The following ADAMTS14 variants were observed in gnomAD, a reference collection of about 807,000 sequenced individuals.
The protein encoded by ADAMTS14 is A disintegrin and metalloproteinase with thrombospondin motifs 14.
A neutral mutation model predicts 128.6 loss-of-function variants in ADAMTS14; 100 were observed. The observed-to-expected ratio is 0.78, with a 90% confidence interval of 0.66 to 0.92. The LOEUF (loss-of-function observed/expected upper bound fraction) is 0.92, where lower values mean the gene tolerates loss of function less well. Among genes scored for constraint, ADAMTS14 ranks in the 40% least tolerant of loss-of-function variants. ADAMTS14 has a pLI of 0.00. For missense variants in ADAMTS14, 1,562 were observed against 1,658.6 expected (o/e 0.94, Z 1.01); for synonymous variants, 665 against 653.8 (o/e 1.02, Z -0.26).
chr10:70,724,030 G>A (rs1841352039), intron 4 of ADAMTS14, among the ~76,000 whole-genome samples: 2 of 152,202 alleles, frequency 1.3e-5, no homozygotes, highest in Non-Finnish European at 2.9e-5. Flanking sequence ...CTCCCCATAG[G>A]GTTGTTGTGA....
Position 70,761,148 on chromosome 10 carries a change from T to G in ADAMTS14, c.*295T>G. ...AAGACCAGGGTCAACTATTGCTCCC[T>G]CCTCACAGACCCTGGGCCTGGGCAG... On this transcript the variant is annotated 3_prime_UTR_variant, in exon 22 of 22. Transcript: ENST00000373207. 3.0e-6 allele frequency: 1 copy of G among 329,624 alleles called. No individual in the cohort carries two copies. Among genetic ancestry groups the G allele is most frequent in the Non-Finnish European group, 5.5e-6 (1 of 181,070 alleles). 20.4% of individuals were successfully genotyped at this position (329,624 alleles called of 1,614,324 possible).
chr10:70,721,120 G>A (rs1387209861), intron 4 of ADAMTS14, among the ~76,000 whole-genome samples: 1 of 147,966 alleles, frequency 6.8e-6, no homozygotes, highest in African/African-American at 2.5e-5. Flanking sequence ...CACCTCCCGG[G>A]TTCAAGTGAT....
intron 4 of ADAMTS14, among the ~76,000 whole-genome samples, chr10:70,710,699 A>G (rs1412268185): frequency 1.3e-5 from 2 of 152,192 alleles, no homozygotes; most frequent in African/African-American, 2.4e-5. Context: ...TCTCTTCTGC[A>G]CTTTGAAAGC....
chr10:70,754,811 T>A (rs139882905), intron 19 of ADAMTS14, among the ~76,000 whole-genome samples: 1 of 152,178 alleles, frequency 6.6e-6, no homozygotes, highest in Admixed American at 6.5e-5. Flanking sequence ...CTGTGGAAGG[T>A]TGAGCGTTAG....
chr10:70,729,165 T>C (rs1367256202), intron 4 of ADAMTS14, 129 bp from the exon 5 acceptor site: 2 of 757,574 alleles, frequency 2.6e-6, no homozygotes, highest in East Asian at 2.7e-5. Flanking sequence ...ATCTGTAAAG[T>C]AGGATAAGTA....
intron 2 of ADAMTS14, among the ~76,000 whole-genome samples, chr10:70,697,839 G>A (rs1302941131): frequency 6.6e-6 from 1 of 152,174 alleles, no homozygotes; most frequent in African/African-American, 2.4e-5. Context: ...GAGACCTCTG[G>A]ATGAAGAGGC....
rs764912002 is a variant in ADAMTS14 at position 70,757,991 on chromosome 10, G to A, written c.2967G>A (p.Gln989=). The change falls in exon 20 of 22, where the codon CAG becomes CAA. Residue 989 remains glutamine, a synonymous_variant. Coordinates refer to ENST00000373207, the MANE Select transcript of ADAMTS14 (RefSeq NM_080722.4). The stretch of plus-strand genomic sequence containing the variant: ...CTGCCACCTGTGGAGAGGGCATCCA[G>A]CAGCGGCAGGTGGTGTGCAGGACCA... ...QCSATCGEGI[Q]QRQVVCRTNA... is the part of the protein sequence containing the mutation. The A allele has an allele frequency of 6.2e-7, 1 of 1,613,018 alleles. No individual in the cohort carries two copies. Among genetic ancestry groups the A allele is most frequent in the East Asian group, 2.2e-5 (1 of 44,890 alleles).
At chr10:70,747,603 G>C (rs1842218285) in intron 15 of ADAMTS14, among the ~76,000 whole-genome samples, 1 of 152,218 alleles carries the variant, frequency 6.6e-6, no homozygotes, top group African/African-American at 2.4e-5. Flanking sequence ...GCTGTCTCCA[G>C]AAATCTAGTT....
At chr10:70,673,360 G>T (rs937062574) in intron 1 of ADAMTS14, among the ~76,000 whole-genome samples, 1 of 152,048 alleles carries the variant, frequency 6.6e-6, no homozygotes, top group Admixed American at 6.6e-5. Flanking sequence ...GGGCACTCAC[G>T]CTCCTGCACA....
At chr10:70,734,353 A>T (rs943885588) in intron 8 of ADAMTS14, among the ~76,000 whole-genome samples, 1 of 152,112 alleles carries the variant, frequency 6.6e-6, no homozygotes, top group Admixed American at 6.5e-5. Flanking sequence ...TGCAGGTGAT[A>T]CTTATGCCTG....
At position 70,683,367 on chromosome 10, in the gene ADAMTS14, A is replaced by G. The variant is rs565868518; in HGVS notation, c.522+8372A>G. Among the ~76,000 whole-genome samples, 4 of 152,324 alleles carry G rather than the reference A, an allele frequency of 2.6e-5. No individual in the cohort carries two copies. The South Asian group carries it at 8.3e-4, about 32-fold the overall frequency. On this transcript the variant is annotated intron_variant, in intron 2 of 21. Coordinates refer to ENST00000373207, the MANE Select transcript of ADAMTS14 (RefSeq NM_080722.4). ...CGGCAATCTGTGTTTGCAGCACACG[A>G]AACAAGAAAGGGAGTCTTTGGAAAG...
chr10:70,707,573 T>C (rs1278855782), intron 3 of ADAMTS14, among the ~76,000 whole-genome samples: 2 of 152,242 alleles, frequency 1.3e-5, no homozygotes, highest in African/African-American at 4.8e-5. Flanking sequence ...ATAGCATAGA[T>C]GACTGACAGC....
intron 4 of ADAMTS14, among the ~76,000 whole-genome samples, chr10:70,713,286 G>C (rs1840917541): frequency 6.6e-6 from 1 of 151,586 alleles, no homozygotes; most frequent in South Asian, 2.1e-4. Context: ...TTTGTTCAGA[G>C]CTGGGTGCTG....
chr10:70,731,754 T>G (rs1841645816), intron 6 of ADAMTS14, among the ~76,000 whole-genome samples: 1 of 152,194 alleles, frequency 6.6e-6, no homozygotes, highest in Non-Finnish European at 1.5e-5. Flanking sequence ...TTCTAGCCTT[T>G]CTGGCCCATG....
intron 4 of ADAMTS14, among the ~76,000 whole-genome samples, chr10:70,720,485 CAT>C (rs1841222078): frequency 1.3e-5 from 2 of 152,192 alleles, no homozygotes; most frequent in South Asian, 4.1e-4. Flanking sequence ...ATATGGCACA[CAT>C]GTGAACTTGT....
intron 2 of ADAMTS14, among the ~76,000 whole-genome samples, chr10:70,676,630 T>A (rs920805928): frequency 1.3e-5 from 2 of 152,152 alleles, no homozygotes; most frequent in Non-Finnish European, 2.9e-5. Context: ...AGAAAGCAGA[T>A]TGTCAGGGCA....
chr10:70,704,359 C>G (rs967692811), intron 3 of ADAMTS14, among the ~76,000 whole-genome samples: 3 of 152,054 alleles, frequency 2.0e-5, no homozygotes, highest in Admixed American at 6.5e-5. Context: ...TACCCATGCA[C>G]TCTCCCACAC....
In ADAMTS14 at chr10:70,752,200, G is replaced by C. The variant is rs1309904286; in HGVS notation, c.2702G>C (p.Cys901Ser). The change falls in exon 18 of 22, where the codon TGC becomes TCC. Residue 901 changes from cysteine (C) to serine (S), a missense_variant. Cys to Ser is a moderately radical substitution (Grantham distance 112). Transcript: ENST00000373207. ...AGGCCCAAGCCCATCCGCCGGCGCT[G>C]CAACCAGCACCCGTGCTCTCAGCCT... ...KKRPKPIRRR[C>S]NQHPCSQPVW... is the part of the protein sequence containing the mutation. 1 of 1,613,790 alleles carries C rather than the reference G, an allele frequency of 6.2e-7. No homozygotes were observed. Among genetic ancestry groups the C allele is most frequent in the Admixed American group, 1.7e-5 (1 of 60,014 alleles).
chr10:70,751,046 G>A (rs1367672694), intron 16 of ADAMTS14, among the ~76,000 whole-genome samples: 1 of 152,180 alleles, frequency 6.6e-6, no homozygotes, highest in African/African-American at 2.4e-5. Context: ...TCAAGGAAAG[G>A]AAAAGACCAC....
Sources: gnomAD v4.1 joint callset for allele counts (sites outside exome capture counted in the v4.1 genomes callset) on GRCh38, gnomAD v4.1.1 for gene constraint, MANE v1.5 for transcripts, NCBI Gene and HGNC (gene_info 2026-07-23, HGNC 2026-07-21) for gene names.